The following RAD51B variants were observed in gnomAD, a reference collection of about 807,000 sequenced individuals.
The protein encoded by RAD51B is DNA repair protein RAD51 homolog 2.
RAD51B carries 38 observed loss-of-function variants against 42.2 expected under a neutral mutation model. The observed-to-expected ratio is 0.90, with a 90% confidence interval of 0.70 to 1.18. RAD51B has a LOEUF of 1.18. Ranked by LOEUF, RAD51B falls within the 50% of genes most tolerant of loss-of-function variation. The probability of loss-of-function intolerance (pLI) is 0.00; values close to 1 mark genes in which losing one functional copy is unlikely to be tolerated. For missense variants in RAD51B, 373 were observed against 400.7 expected, an observed-to-expected ratio of 0.93 and a Z score of 0.59; for synonymous variants, 154 against 145.2, an observed-to-expected ratio of 1.06 and a Z score of -0.43.
chr14:68,678,149 G>A (rs1893352533), intron 11 of RAD51B, among the ~76,000 whole-genome samples: 1 of 152,136 alleles, frequency 6.6e-6, no homozygotes, highest in Non-Finnish European at 1.5e-5. Context: ...TAAATGGCGG[G>A]GCCTGGATTT....
At chr14:67,954,995 G>GC (rs2074521081) in intron 7 of RAD51B, among the ~76,000 whole-genome samples, 1 of 152,066 alleles carries the variant, frequency 6.6e-6, no homozygotes, top group Non-Finnish European at 1.5e-5. Context: ...GAGGACAGAT[G>GC]CTGAGGGAGG....
intron 7 of RAD51B, among the ~76,000 whole-genome samples, chr14:68,169,667 G>C (rs1595503499): frequency 6.6e-6 from 1 of 152,146 alleles, no homozygotes; most frequent in African/African-American, 2.4e-5. Context: ...CCTGTGGCCA[G>C]ATGGTCTGAG....
chr14:68,019,100 TA>T (rs1269255579), intron 7 of RAD51B, among the ~76,000 whole-genome samples: 2 of 151,938 alleles, frequency 1.3e-5, no homozygotes, highest in Non-Finnish European at 2.9e-5. Context: ...GTGGCTGATT[TA>T]CTGAAACACC....
chr14:68,123,622 A>C (rs913199559), intron 7 of RAD51B, among the ~76,000 whole-genome samples: 1 of 152,276 alleles, frequency 6.6e-6, no homozygotes, highest in Non-Finnish European at 1.5e-5. Context: ...AGTCTGGCCA[A>C]CGTGGTGAAA....
At chr14:67,916,879 G>GTCTACCAT (rs1405032930) in intron 7 of RAD51B, among the ~76,000 whole-genome samples, 1 of 152,150 alleles carries the variant, frequency 6.6e-6, no homozygotes, top group African/African-American at 2.4e-5. Context: ...CATTCTAATG[G>GTCTACCAT]TAGAGGACGG....
At chr14:68,616,818 A>AT (rs753300344) in intron 10 of RAD51B, among the ~76,000 whole-genome samples, 1 of 150,958 alleles carries the variant, frequency 6.6e-6, no homozygotes, top group Non-Finnish European at 1.5e-5. Context: ...TTGGTGCTTC[A>AT]TTTTGGATAG....
chr14:67,873,150 G>T lies in RAD51B; in HGVS notation c.452+8011G>T, dbSNP rs553830124. On this transcript the variant is annotated intron_variant, in intron 5 of 10. Coordinates refer to ENST00000471583, the MANE Select transcript of RAD51B (RefSeq NM_133510.4). ...AAGAAACTACCATCAGAGTGAACAGGCAACCTAAAAAATGGGAGAAAATTT... is the reference window on the plus strand; with the variant it reads ...AAGAAACTACCATCAGAGTGAACAGTCAACCTAAAAAATGGGAGAAAATTT... Among the ~76,000 whole-genome samples, 23 of 152,156 alleles carry T rather than the reference G, an allele frequency of 1.5e-4. No individual in the cohort carries two copies. The South Asian group carries it at 1.7e-3, about 11-fold the overall frequency.
intron 7 of RAD51B, among the ~76,000 whole-genome samples, chr14:68,146,791 G>GT (rs1401642909): frequency 3.9e-5 from 6 of 151,942 alleles, no homozygotes; most frequent in African/African-American, 1.2e-4. Context: ...TTTTTAAATT[G>GT]TTTTTTCAGT....
intron 7 of RAD51B, among the ~76,000 whole-genome samples, chr14:67,888,281 A>C (rs1420744216): frequency 2.0e-5 from 3 of 152,198 alleles, no homozygotes; most frequent in Non-Finnish European, 2.9e-5. Flanking sequence ...TAAAATGATA[A>C]ATTCAAATTT....
At chr14:68,266,113 T>A (rs2080986968) in intron 7 of RAD51B, among the ~76,000 whole-genome samples, 1 of 152,242 alleles carries the variant, frequency 6.6e-6, no homozygotes, top group African/African-American at 2.4e-5. Flanking sequence ...GGCTTTAGGT[T>A]CCTGTTTGGG....
At chr14:68,593,663 T>G (rs182111126) in intron 10 of RAD51B, among the ~76,000 whole-genome samples, 64 of 152,272 alleles carry the variant, frequency 4.2e-4, no homozygotes, top group African/African-American at 1.5e-3. Context: ...AAGTGGGGAA[T>G]GTATCAGGGC....
In RAD51B at chr14:68,316,229, C is replaced by T. The variant is rs142427945; in HGVS notation, c.853+24249C>T. 6.6e-3 allele frequency among the ~76,000 whole-genome samples: 998 copies of T among 152,346 alleles called. 7 individuals carry two copies. Among genetic ancestry groups the T allele is most frequent in the African/African-American group, 0.021 (857 of 41,576 alleles). On this transcript the variant is annotated intron_variant, in intron 8 of 10. Transcript: ENST00000471583. ...CTTTGTAAGTTCTGCATTTCACCTACCCAAGGGAGTCTGAGAGTGTGTAAT... is the reference window on the plus strand; with the variant it reads ...CTTTGTAAGTTCTGCATTTCACCTATCCAAGGGAGTCTGAGAGTGTGTAAT...
In RAD51B at chr14:68,468,183, C is replaced by A. The variant is rs150656451; in HGVS notation, c.969C>A (p.Ala323=). ...LDSERRQILI[A]KSPLAPFTSF... ...TGCTTTATGTGCAGATTCTTATTGC[C>A]AAGTCCCCTCTGGCTCCCTTCACCT... The change falls in exon 10 of 11, where the codon GCC becomes GCA. Residue 323 remains alanine, a synonymous_variant. Coordinates refer to ENST00000471583, the MANE Select transcript of RAD51B (RefSeq NM_133510.4). 124 of 1,613,914 alleles carry A rather than the reference C, an allele frequency of 7.7e-5. No homozygotes were observed. In the African/African-American group the frequency reaches 1.5e-3, roughly 19 times the overall value.
chr14:68,244,823 A>G (rs1226491440), intron 7 of RAD51B, among the ~76,000 whole-genome samples: 1 of 152,166 alleles, frequency 6.6e-6, no homozygotes, highest in Non-Finnish European at 1.5e-5. Context: ...CGGGGTGGGT[A>G]ATCTCTGGGT....
At chr14:68,414,248 G>T (rs1181708663) in intron 9 of RAD51B, among the ~76,000 whole-genome samples, 2 of 152,216 alleles carry the variant, frequency 1.3e-5, no homozygotes, top group African/African-American at 4.8e-5. Flanking sequence ...CACAAGCCAA[G>T]TTAATTTTCT....
At chr14:68,409,304 A>T (rs1284121975) in intron 8 of RAD51B, among the ~76,000 whole-genome samples, 2 of 152,190 alleles carry the variant, frequency 1.3e-5, no homozygotes, top group African/African-American at 4.8e-5. Flanking sequence ...GAAAAGTTAG[A>T]CTGAGAGGGT....
chr14:68,035,437 A>G (rs2076106840), intron 7 of RAD51B, among the ~76,000 whole-genome samples: 2 of 152,232 alleles, frequency 1.3e-5, no homozygotes, highest in Admixed American at 1.3e-4. Context: ...GAGAATTTAA[A>G]CATATAACAT....
At chr14:68,499,689 A>T (rs1466261664) in intron 10 of RAD51B, among the ~76,000 whole-genome samples, 3 of 152,162 alleles carry the variant, frequency 2.0e-5, no homozygotes, top group Non-Finnish European at 4.4e-5. Context: ...ACAGAGGAGG[A>T]CAGTCACAAA....
At chr14:67,986,734 T>C (rs1256932096) in intron 7 of RAD51B, among the ~76,000 whole-genome samples, 1 of 152,204 alleles carries the variant, frequency 6.6e-6, no homozygotes, top group African/African-American at 2.4e-5. Context: ...GCTGCTTCTA[T>C]CTATGGTTTT....
Sources: gnomAD v4.1 joint callset for allele counts (sites outside exome capture counted in the v4.1 genomes callset) on GRCh38, gnomAD v4.1.1 for gene constraint, MANE v1.5 for transcripts, NCBI Gene and HGNC (gene_info 2026-07-23, HGNC 2026-07-21) for gene names.